CEP57L1: variants seen among roughly 807,000 people sequenced by gnomAD.
CEP57L1 encodes centrosomal protein CEP57L1.
A neutral mutation model predicts 61.0 loss-of-function variants in CEP57L1; 37 were observed. The observed-to-expected ratio is 0.61, with a 90% CI of 0.47 to 0.80. The LOEUF (loss-of-function observed/expected upper bound fraction) is 0.80. Among genes scored for constraint, CEP57L1 ranks in the 30% least tolerant of loss-of-function variants. CEP57L1 has a pLI of 0.00. For synonymous variants in CEP57L1, 137 were observed against 162.3 expected (o/e 0.84, Z 1.19); for missense variants, 422 against 524.7 (o/e 0.80, Z 1.91).
chr6:109,114,003 G>A (rs1388455794), intron 1 of CEP57L1, among the ~76,000 whole-genome samples: 1 of 152,008 alleles, frequency 6.6e-6, no homozygotes, highest in Non-Finnish European at 1.5e-5. Flanking sequence ...TGTGAATAAT[G>A]CTGCAGTGAA....
chr6:109,102,366 T>A (rs1770412410), intron 1 of CEP57L1, among the ~76,000 whole-genome samples: 1 of 152,158 alleles, frequency 6.6e-6, no homozygotes, highest in Admixed American at 6.5e-5. Flanking sequence ...AGCTTACTAT[T>A]GAGTTTTAAG....
intron 1 of CEP57L1, among the ~76,000 whole-genome samples, chr6:109,112,981 A>G (rs528255185): frequency 2.6e-5 from 4 of 152,168 alleles, no homozygotes; most frequent in African/African-American, 9.7e-5. Flanking sequence ...AGGAATGTAT[A>G]TTCTGTTGAT....
At chr6:109,101,511 C>G (rs1235307802) in intron 1 of CEP57L1, among the ~76,000 whole-genome samples, 2 of 151,842 alleles carry the variant, frequency 1.3e-5, no homozygotes, top group African/African-American at 4.8e-5. Flanking sequence ...TATGTGCAGG[C>G]TTTTTCTGGG....
chr6:109,155,041 A>G (rs1266962120), intron 5 of CEP57L1, among the ~76,000 whole-genome samples, 189 bp from the exon 6 acceptor site: 1 of 152,092 alleles, frequency 6.6e-6, no homozygotes, highest in Non-Finnish European at 1.5e-5. Flanking sequence ...AAGGTAAAGA[A>G]GCAAAGAAAG....
Position 109,154,768 on chromosome 6 carries a change from A to G in CEP57L1, c.580-462A>G, listed in dbSNP as rs112205627. Among the ~76,000 whole-genome samples the G allele has an allele frequency of 4.7e-3, 722 of 152,234 alleles. 2 individuals carry two copies. Among genetic ancestry groups the G allele is most frequent in the African/African-American group, 0.015 (608 of 41,578 alleles). ...GATCCTCAATCTGTATAAGCTCTTA[A>G]GTAACAAGGACCACATTGTATATTT... On this transcript the variant is annotated intron_variant, in intron 5 of 10. Transcript: ENST00000517392.
At chr6:109,131,887 G>C (rs1774242204) in intron 1 of CEP57L1, among the ~76,000 whole-genome samples, 1 of 152,058 alleles carries the variant, frequency 6.6e-6, no homozygotes, top group Non-Finnish European at 1.5e-5. Context: ...GGAAGTCTGA[G>C]CCTAGGCATT....
chr6:109,108,370 G>A (rs1007485970), intron 1 of CEP57L1, among the ~76,000 whole-genome samples: 3 of 151,014 alleles, frequency 2.0e-5, no homozygotes, highest in Admixed American at 6.6e-5. Flanking sequence ...CTGCCACCAC[G>A]CCCTGCTAAT....
chr6:109,136,165 C>T (rs1352161874), intron 1 of CEP57L1, among the ~76,000 whole-genome samples: 1 of 152,178 alleles, frequency 6.6e-6, no homozygotes, highest in Non-Finnish European at 1.5e-5. Context: ...AGAACCAACC[C>T]AAATGTCCCT....
chr6:109,141,942 TC>T (rs1409243379), intron 1 of CEP57L1, among the ~76,000 whole-genome samples: 2 of 152,172 alleles, frequency 1.3e-5, no homozygotes, highest in Admixed American at 1.3e-4. Context: ...TTCCTTTATT[TC>T]AAAAGTCTTC....
intron 1 of CEP57L1, among the ~76,000 whole-genome samples, chr6:109,122,768 T>A (rs750587772): frequency 6.6e-6 from 1 of 151,930 alleles, no homozygotes; most frequent in Non-Finnish European, 1.5e-5. Context: ...GATTGTGCCA[T>A]TGCACTCCAG....
At chr6:109,162,214 C>CAT (rs1773777092) in intron 10 of CEP57L1, among the ~76,000 whole-genome samples, 1 of 152,012 alleles carries the variant, frequency 6.6e-6, no homozygotes, top group Non-Finnish European at 1.5e-5. Flanking sequence ...TATACACACA[C>CAT]ATATATATAC....
rs142175582 is a variant in CEP57L1 at position 109,110,318 on chromosome 6, T to C, written c.-4+14743T>C. On this transcript the variant is annotated intron_variant, in intron 1 of 10. Coordinates refer to ENST00000517392, the MANE Select transcript of CEP57L1 (RefSeq NM_001271852.3). ...GATGATGAGCTTTTTTTCATATGTT[T>C]GTTGGCTGCATAAATGTCTTCTTTT... is the stretch of plus-strand genomic sequence containing the variant. Among the ~76,000 whole-genome samples, 1,265 of 152,360 alleles carry C rather than the reference T, an allele frequency of 8.3e-3. 25 individuals are homozygous for C. Among genetic ancestry groups the C allele is most frequent in the African/African-American group, 0.029 (1,214 of 41,584 alleles).
At chr6:109,110,559 G>A (rs1471809530) in intron 1 of CEP57L1, among the ~76,000 whole-genome samples, 1 of 152,140 alleles carries the variant, frequency 6.6e-6, no homozygotes, top group Non-Finnish European at 1.5e-5. Context: ...TTTGGCTTTT[G>A]TTGCCATTGC....
At chr6:109,110,147 C>G (rs1583393792) in intron 1 of CEP57L1, among the ~76,000 whole-genome samples, 2 of 152,006 alleles carry the variant, frequency 1.3e-5, no homozygotes, top group Non-Finnish European at 2.9e-5. Flanking sequence ...CTAATTTACA[C>G]TCCCACCAAC....
chr6:109,163,897 G>C lies in CEP57L1; in HGVS notation c.*927G>C, dbSNP rs1257465269. 6.6e-6 allele frequency: 1 copy of C among 152,008 alleles called. No homozygotes were observed. Among genetic ancestry groups the C allele is most frequent in the Admixed American group, 6.6e-5 (1 of 15,260 alleles). The allele number at this position is 152,008 out of a possible 1,614,324, so 9.4% of individuals were successfully genotyped here. On this transcript the variant is annotated 3_prime_UTR_variant, in exon 11 of 11. Coordinates refer to ENST00000517392, the MANE Select transcript of CEP57L1 (RefSeq NM_001271852.3). ...CATGCTTTATAATAAATTTACACTT[G>C]ATCATTTTTCTGGAAGCCTATGGGA...
At chr6:109,154,727 A>G (rs1443946525) in intron 5 of CEP57L1, among the ~76,000 whole-genome samples, 2 of 152,142 alleles carry the variant, frequency 1.3e-5, no homozygotes, top group Non-Finnish European at 2.9e-5. Flanking sequence ...TCTGGTTCCA[A>G]ACACTTAAGA....
intron 1 of CEP57L1, among the ~76,000 whole-genome samples, chr6:109,137,440 T>TA (rs1392963683): frequency 9.2e-5 from 14 of 152,122 alleles, no homozygotes; most frequent in African/African-American, 3.4e-4. Context: ...TAGCTGGGAC[T>TA]ACAGGTGTGT....
chr6:109,150,184 C>T lies in CEP57L1; in HGVS notation c.407C>T (p.Thr136Ile). ...CTLLEKQLEY[T>I]KRMVLNVERE... ...CTTCTAGAGAAGCAACTAGAATATA[C>T]AAAGAGAATGGTTCTCAACGTAGAG... The change falls in exon 4 of 11, where the codon ACA (threonine) becomes ATA (isoleucine). Residue 136 changes from threonine to isoleucine, a missense_variant. Physicochemically the swap from Thr to Ile is moderately conservative, Grantham distance 89. Transcript: ENST00000517392. 1 of 1,609,748 alleles carries T rather than the reference C, an allele frequency of 6.2e-7. No homozygotes were observed. The highest frequency in any genetic ancestry group is 8.5e-7 in the Non-Finnish European group (1 of 1,176,356).
intron 4 of CEP57L1, among the ~76,000 whole-genome samples, chr6:109,152,690 C>T (rs1317209664): frequency 2.8e-5 from 4 of 143,822 alleles, no homozygotes; most frequent in African/African-American, 7.8e-5. Flanking sequence ...TATAACTTTC[C>T]TTTTCTCTGT....
Sources: gnomAD v4.1 joint callset for allele counts (sites outside exome capture counted in the v4.1 genomes callset) on GRCh38, gnomAD v4.1.1 for gene constraint, MANE v1.5 for transcripts, NCBI Gene and HGNC (gene_info 2026-07-23, HGNC 2026-07-21) for gene names.